The following CACNB2 variants were observed in gnomAD, a reference collection of about 807,000 sequenced individuals.
CACNB2 encodes voltage-dependent L-type calcium channel subunit beta-2.
A neutral mutation model predicts 73.3 loss-of-function variants in CACNB2; 42 were observed. The ratio of observed to expected loss-of-function variants is 0.57; its 90% CI spans 0.45 to 0.74. The LOEUF is 0.74. Among genes scored for constraint, CACNB2 ranks in the 30% least tolerant of loss-of-function variants. The pLI is 0.00. For synonymous variants in CACNB2, 348 were observed against 310.3 expected (o/e 1.12, Z -1.28); for missense variants, 940 against 853.0 (o/e 1.10, Z -1.27).
intron 2 of CACNB2, among the ~76,000 whole-genome samples, chr10:18,274,767 A>G (rs2038206490): frequency 1.3e-5 from 2 of 152,218 alleles, no homozygotes; most frequent in Non-Finnish European, 2.9e-5. Context: ...ACCATTTAAA[A>G]ATAATAGGAT....
At chr10:18,192,754 G>A (rs1407501307) in intron 2 of CACNB2, among the ~76,000 whole-genome samples, 1 of 152,136 alleles carries the variant, frequency 6.6e-6, no homozygotes, top group Non-Finnish European at 1.5e-5. Flanking sequence ...AACCTTTTGT[G>A]TCTGGCTTCT....
At chr10:18,267,466 T>A (rs1425380785) in intron 2 of CACNB2, among the ~76,000 whole-genome samples, 1 of 151,856 alleles carries the variant, frequency 6.6e-6, no homozygotes, top group African/African-American at 2.4e-5. Flanking sequence ...ATTAGCCAGG[T>A]GTGGTGGCGG....
intron 2 of CACNB2, among the ~76,000 whole-genome samples, chr10:18,315,796 C>T (rs1173349526): frequency 6.6e-6 from 1 of 152,082 alleles, no homozygotes; most frequent in African/African-American, 2.4e-5. Flanking sequence ...TGATGTGTAG[C>T]GCTTTCCAAT....
chr10:18,332,664 G>A (rs866567352), intron 2 of CACNB2, among the ~76,000 whole-genome samples: 1 of 151,830 alleles, frequency 6.6e-6, no homozygotes, highest in African/African-American at 2.4e-5. Flanking sequence ...GGTGAGAGGG[G>A]GTATCTAAAA....
chr10:18,197,472 C>A (rs2034676723), intron 2 of CACNB2, among the ~76,000 whole-genome samples: 1 of 152,142 alleles, frequency 6.6e-6, no homozygotes, highest in Admixed American at 6.5e-5. Flanking sequence ...AATCCAAGCA[C>A]CCCAGTGTGT....
intron 2 of CACNB2, among the ~76,000 whole-genome samples, chr10:18,164,978 C>T (rs2131114029): frequency 6.6e-6 from 1 of 151,946 alleles, no homozygotes; most frequent in East Asian, 1.9e-4. Context: ...AGTGCCTTTG[C>T]CAGGCAGTGG....
intron 3 of CACNB2, among the ~76,000 whole-genome samples, chr10:18,482,005 T>C (rs2048805602): frequency 6.6e-6 from 1 of 152,158 alleles, no homozygotes; most frequent in Non-Finnish European, 1.5e-5. Flanking sequence ...TTCTCTTGCC[T>C]CAGCCTCCTG....
chr10:18,319,253 A>G (rs2040307119), intron 2 of CACNB2, among the ~76,000 whole-genome samples: 3 of 152,208 alleles, frequency 2.0e-5, no homozygotes, highest in South Asian at 2.1e-4. Context: ...TACACTGTGG[A>G]ATACTATGCA....
At chr10:18,526,903 C>G (rs890512634) in intron 9 of CACNB2, among the ~76,000 whole-genome samples, 6 of 152,156 alleles carry the variant, frequency 3.9e-5, no homozygotes, top group African/African-American at 1.2e-4. Context: ...AATCCCAGCT[C>G]TCCCACTTAG....
chr10:18,218,988 A>C (rs1387259551), intron 2 of CACNB2, among the ~76,000 whole-genome samples: 2 of 152,302 alleles, frequency 1.3e-5, no homozygotes, highest in East Asian at 1.9e-4. Context: ...ACATGGAGAA[A>C]CCCTGTCTCT....
rs187893347 is a variant in CACNB2, at chr10:18,396,359, G to C, written c.214-5565G>C. ...AGAGAACAGAAGGTAATTCTAAACT[G>C]TGAAAAGAGATGACAACACCATGAA... On this transcript the variant is annotated intron_variant, in intron 2 of 13. Transcript: ENST00000324631. Among the ~76,000 whole-genome samples the C allele has an allele frequency of 1.4e-3, 218 of 152,312 alleles. 1 individual carries two copies. Among genetic ancestry groups the C allele is most frequent in the Non-Finnish European group, 2.6e-4 (18 of 68,022 alleles).
chr10:18,463,587 T>G (rs368376467), intron 3 of CACNB2, among the ~76,000 whole-genome samples: 4,575 of 113,338 alleles, frequency 0.04, 98 homozygotes, highest in East Asian at 0.11. Context: ...GCTAGTTGTT[T>G]TTTTTTTGTT....
intron 2 of CACNB2, among the ~76,000 whole-genome samples, chr10:18,291,126 C>T (rs1294370009): frequency 6.6e-6 from 1 of 152,198 alleles, no homozygotes; most frequent in Non-Finnish European, 1.5e-5. Flanking sequence ...TGAGGCTGCG[C>T]AGAAGGTACT....
chr10:18,426,955 A>ATTTTTT (rs551543429), intron 3 of CACNB2, among the ~76,000 whole-genome samples: 2,621 of 81,648 alleles, frequency 0.032, 242 homozygotes, highest in African/African-American at 0.072. Context: ...CCTTTTCTAC[A>ATTTTTT]TTTTTTTTTT....
At chr10:18,281,601 T>TG (rs2038549040) in intron 2 of CACNB2, among the ~76,000 whole-genome samples, 1 of 152,110 alleles carries the variant, frequency 6.6e-6, no homozygotes, top group Admixed American at 6.6e-5. Context: ...TGCTGTTGTG[T>TG]GTGTCCAAAA....
intron 2 of CACNB2, among the ~76,000 whole-genome samples, chr10:18,265,440 T>C (rs2037752892): frequency 6.6e-6 from 1 of 152,182 alleles, no homozygotes; most frequent in Admixed American, 6.5e-5. Context: ...CATTTAGCCA[T>C]CTTCTTTTGT....
chr10:18,532,695 AAC>A (rs1376491146), intron 10 of CACNB2, among the ~76,000 whole-genome samples: 9 of 81,070 alleles, frequency 1.1e-4, no homozygotes, highest in African/African-American at 4.8e-4. Context: ...AAAAAAAAAA[AAC>A]AAAACAAAAA....
intron 3 of CACNB2, among the ~76,000 whole-genome samples, chr10:18,485,023 C>T (rs185363519): frequency 5.9e-5 from 9 of 152,110 alleles, no homozygotes; most frequent in South Asian, 4.1e-4. Context: ...GATGTCATAG[C>T]GCATACCTGT....
intron 2 of CACNB2, among the ~76,000 whole-genome samples, chr10:18,220,665 G>C (rs1284500386): frequency 6.6e-6 from 1 of 152,132 alleles, no homozygotes; most frequent in Non-Finnish European, 1.5e-5. Flanking sequence ...CCCAGCAGTA[G>C]GTGAGCGCCT....
Sources: allele counts gnomAD v4.1 joint callset (sites outside exome capture counted in the v4.1 genomes callset), GRCh38; gene constraint gnomAD v4.1.1; transcripts MANE v1.5; gene names NCBI Gene and HGNC (gene_info 2026-07-23, HGNC 2026-07-21).